DHRSX: variants seen among roughly 807,000 people sequenced by gnomAD.
DHRSX encodes polyprenol dehydrogenase.
In DHRSX, 31 loss-of-function variants were observed where a neutral mutation model predicts 34.0. The observed-to-expected ratio is 0.91, with a 90% CI of 0.69 to 1.23. The LOEUF is 1.23. Ranked by LOEUF, DHRSX falls within the 50% of genes most tolerant of loss-of-function variation. DHRSX has a pLI of 0.00. For missense variants in DHRSX, 414 were observed against 428.1 expected (o/e 0.97, Z 0.29); for synonymous variants, 201 against 183.8 (o/e 1.09, Z -0.76).
rs752649879 is a variant in DHRSX, at chrX:2,322,555, C to CAAAAAAAAAAAA, written c.287-30964_287-30953dup. On this transcript the variant is annotated intron_variant, in intron 3 of 6. Coordinates refer to ENST00000334651, the MANE Select transcript of DHRSX (RefSeq NM_145177.3). ...AGGGCAACAGAGTGAAACTCCATCTCAAAAAAAAAAAAAAAAGAATGAAAG... is the reference window on the plus strand; with the variant it reads ...AGGGCAACAGAGTGAAACTCCATCTCAAAAAAAAAAAAAAAAAAAAAAAAAAAAGAATGAAAG... Among the ~76,000 whole-genome samples, 151 of 123,158 alleles carry CAAAAAAAAAAAA rather than the reference C, an allele frequency of 1.2e-3. 1 individual carries two copies. Among genetic ancestry groups the CAAAAAAAAAAAA allele is most frequent in the African/African-American group, 4.1e-3 (135 of 33,142 alleles). 80.8% of individuals were successfully genotyped at this position (123,158 alleles called of 152,430 possible).
At chrX:2,229,815 A>G (rs1236027432) in intron 6 of DHRSX, among the ~76,000 whole-genome samples, 1 of 151,976 alleles carries the variant, frequency 6.6e-6, no homozygotes, top group Non-Finnish European at 1.5e-5. Context: ...ACATGTGTAT[A>G]TGTATGCATG....
chrX:2,321,924 T>C (rs1490865296), intron 3 of DHRSX, among the ~76,000 whole-genome samples: 1 of 152,138 alleles, frequency 6.6e-6, no homozygotes, highest in Non-Finnish European at 1.5e-5. Flanking sequence ...ATAGTAAATA[T>C]ATTTTCTCTT....
At chrX:2,453,011 C>T (rs1789942960) in intron 1 of DHRSX, among the ~76,000 whole-genome samples, 1 of 152,106 alleles carries the variant, frequency 6.6e-6, no homozygotes, top group Non-Finnish European at 1.5e-5. Flanking sequence ...ACAAATGTGG[C>T]ATAGACACAC....
chrX:2,305,175 AG>A (rs2042084350), intron 3 of DHRSX, among the ~76,000 whole-genome samples: 1 of 144,134 alleles, frequency 6.9e-6, no homozygotes, highest in Non-Finnish European at 1.5e-5. Flanking sequence ...GGATACAGGG[AG>A]GGGAACAACA....
At chrX:2,274,307 GGA>G (rs1055962324) in intron 4 of DHRSX, among the ~76,000 whole-genome samples, 1 of 151,738 alleles carries the variant, frequency 6.6e-6, no homozygotes, top group Non-Finnish European at 1.5e-5. Flanking sequence ...CAAAGTGCTG[GGA>G]CTACAGGTGT....
At chrX:2,337,794 C>T (rs2042587269) in intron 3 of DHRSX, 1 of 152,000 alleles carries the variant, frequency 6.6e-6, no homozygotes, top group Admixed American at 6.6e-5. Flanking sequence ...TTAACAAGCA[C>T]GTCATGTTTA....
At chrX:2,287,794 C>A (rs538076616) in intron 4 of DHRSX, among the ~76,000 whole-genome samples, 21 of 152,294 alleles carry the variant, frequency 1.4e-4, no homozygotes, top group African/African-American at 4.1e-4. Flanking sequence ...CCAAAGATGT[C>A]CACATCCTAA....
At chrX:2,224,880 C>G (rs748776128) in intron 6 of DHRSX, among the ~76,000 whole-genome samples, 38 of 142,526 alleles carry the variant, frequency 2.7e-4, no homozygotes, top group Non-Finnish European at 5.0e-4. Context: ...ACAGCTCACA[C>G]GCACACATGC....
chrX:2,349,173 C>T (rs1391432148), intron 3 of DHRSX, among the ~76,000 whole-genome samples: 1 of 152,058 alleles, frequency 6.6e-6, no homozygotes, highest in Non-Finnish European at 1.5e-5. Context: ...AAAGATAAAT[C>T]GGTCTATGAG....
intron 2 of DHRSX, among the ~76,000 whole-genome samples, chrX:2,421,907 G>A (rs1242106114): frequency 1.3e-5 from 2 of 152,104 alleles, no homozygotes; most frequent in Non-Finnish European, 2.9e-5. Context: ...CCTTTTATCT[G>A]CATGTCAACT....
At chrX:2,398,695 A>G (rs2043444734) in intron 3 of DHRSX, among the ~76,000 whole-genome samples, 1 of 123,102 alleles carries the variant, frequency 8.1e-6, no homozygotes. Flanking sequence ...TTTGAGATGG[A>G]CTCTCGCTGT....
chrX:2,383,729 T>A (rs908900981), intron 3 of DHRSX, among the ~76,000 whole-genome samples: 35 of 152,126 alleles, frequency 2.3e-4, no homozygotes, highest in African/African-American at 7.0e-4. Context: ...ATGTGTGAGG[T>A]TGGCGATAGA....
chrX:2,289,122 ATT>A (rs752457468), intron 4 of DHRSX, among the ~76,000 whole-genome samples: 4 of 142,876 alleles, frequency 2.8e-5, no homozygotes, highest in African/African-American at 2.6e-5. Context: ...GACATTCCTA[ATT>A]TTTTTTTTTT....
At chrX:2,330,073 C>A (rs1279861092) in intron 3 of DHRSX, among the ~76,000 whole-genome samples, 2,393 of 6,030 alleles carry the variant, frequency 0.4, 268 homozygotes, top group African/African-American at 0.5. Flanking sequence ...AGAGAGACGG[C>A]GGGGGGGGGG....
At chrX:2,493,282 C>A (rs897385291) in intron 1 of DHRSX, among the ~76,000 whole-genome samples, 1 of 152,154 alleles carries the variant, frequency 6.6e-6, no homozygotes, top group Admixed American at 6.5e-5. Flanking sequence ...CTAAGTCCGA[C>A]CTGAGTGACA....
chrX:2,371,404 A>ATTCCCATAGACCGTCCTTCCG (rs2043063034), intron 3 of DHRSX, among the ~76,000 whole-genome samples: 1 of 142,592 alleles, frequency 7.0e-6, no homozygotes, highest in African/African-American at 2.8e-5. Flanking sequence ...CCCTTCTCAC[A>ATTCCCATAGACCGTCCTTCCG]TTACCATAGT....
chrX:2,401,038 A>G (rs2043478977), intron 3 of DHRSX, among the ~76,000 whole-genome samples: 2 of 152,022 alleles, frequency 1.3e-5, no homozygotes, highest in African/African-American at 4.8e-5. Context: ...GTGGAAGCAC[A>G]TGAACCAAAC....
chrX:2,320,510 G>A (rs1221233425), intron 3 of DHRSX, among the ~76,000 whole-genome samples: 2 of 145,586 alleles, frequency 1.4e-5, no homozygotes, highest in East Asian at 2.1e-4. Context: ...TGGCCAGGTT[G>A]GTCTCCAACT....
At chrX:2,324,063 A>G (rs1245343802) in intron 3 of DHRSX, among the ~76,000 whole-genome samples, 10 of 152,044 alleles carry the variant, frequency 6.6e-5, no homozygotes, top group Non-Finnish European at 8.8e-5. Context: ...TCTGGAAAAA[A>G]AAAAAAAAAA....
Sources: allele counts gnomAD v4.1 joint callset (sites outside exome capture counted in the v4.1 genomes callset), GRCh38; gene constraint gnomAD v4.1.1; transcripts MANE v1.5; gene names NCBI Gene and HGNC (gene_info 2026-07-23, HGNC 2026-07-21).